Variants in RGN observed in about 807,000 individuals in gnomAD.
RGN encodes the protein epididymis secretory protein Li 41.
In RGN, 19 loss-of-function variants were observed where a neutral mutation model predicts 20.6. The observed-to-expected ratio is 0.92, with a 90% CI of 0.64 to 1.35. RGN has a LOEUF of 1.35. Among genes scored for constraint, RGN ranks in the 40% most tolerant of loss-of-function variants. RGN has a pLI of 0.00. For missense variants in RGN, 302 were observed against 232.7 expected (o/e 1.30, Z -1.94); for synonymous variants, 85 against 87.2 (o/e 0.97, Z 0.14).
chrX:47,082,406 G>T (rs782046269), intron 3 of RGN, among the ~76,000 whole-genome samples: 20 of 102,501 alleles, frequency 2.0e-4, no homozygotes, highest in African/African-American at 7.2e-4. Flanking sequence ...AATCTCCCAG[G>T]CTCAAGCGAT....
chrX:47,090,066 C>G, intron 5 of RGN, 75 bp downstream of exon 5: 2 of 705,211 alleles, frequency 2.8e-6, no homozygotes, highest in Non-Finnish European at 4.2e-6. Context: ...AGGCGCCTCT[C>G]CCTCGCCTCA....
chrX:47,079,430 T>G (rs1259833900), intron 1 of RGN, among the ~76,000 whole-genome samples: 4 of 107,825 alleles, frequency 3.7e-5, no homozygotes, highest in African/African-American at 1.0e-4. Context: ...TGTTTTTTTG[T>G]TTTTTTGGTT....
At position 47,080,951 on chromosome X, in the gene RGN, G is replaced by T. The variant is rs1930270079; in HGVS notation, c.-16+15G>T. 5.2e-6 allele frequency: 2 copies of T among 384,346 alleles called. No individual in the cohort carries two copies. Among genetic ancestry groups the T allele is most frequent in the Middle Eastern group, 9.8e-4 (2 of 2,035 alleles). 31.7% of individuals were successfully genotyped at this position (384,346 alleles called of 1,213,427 possible). ...ACACGTCACTGGTAAGTTGGTTGAA[G>T]ATGTTTCATGGTCCCTGTTATCAGC... On this transcript the variant is annotated intron_variant, in intron 2 of 7. Coordinates refer to ENST00000397180, the MANE Select transcript of RGN (RefSeq NM_152869.4).
At chrX:47,090,915 GGAAAGAAAGAAAGAAAGAAAGAAAGAAA>G (rs1167092040) in intron 5 of RGN, among the ~76,000 whole-genome samples, 9 of 51,888 alleles carry the variant, frequency 1.7e-4, no homozygotes, top group Middle Eastern at 8.5e-3. Flanking sequence ...GAAAGAAGAA[GGAAAGAAAGAAAGAAAGAAAGAAAGAAA>G]GAAAGAAAGA....
chrX:47,079,461 T>C (rs1384129758), intron 1 of RGN, among the ~76,000 whole-genome samples: 1 of 106,907 alleles, frequency 9.4e-6, no homozygotes, highest in Non-Finnish European at 1.9e-5. Context: ...GACGGAGTCT[T>C]ACTCTGTCGC....
intron 1 of RGN, among the ~76,000 whole-genome samples, chrX:47,079,356 G>A (rs1462369963): frequency 9.9e-5 from 5 of 50,611 alleles, no homozygotes; most frequent in African/African-American, 2.2e-4. Flanking sequence ...TTTTTTGTTT[G>A]TTTTTTTTTT....
intron 4 of RGN, among the ~76,000 whole-genome samples, chrX:47,085,722 A>G (rs782302795): frequency 4.0e-4 from 45 of 111,129 alleles, no homozygotes; most frequent in African/African-American, 1.4e-3. Context: ...AGCTCAAGTG[A>G]TCCTCACACC....
At chrX:47,084,828 A>G (rs1456189491) in intron 4 of RGN, 3 of 340,074 alleles carry the variant, frequency 8.8e-6, no homozygotes, top group African/African-American at 2.7e-5. Flanking sequence ...GGTGGCATGC[A>G]TCTGTGTTCC....
chrX:47,088,915 CAG>C (rs1395998828), intron 4 of RGN, among the ~76,000 whole-genome samples: 6 of 74,084 alleles, frequency 8.1e-5, no homozygotes, highest in Non-Finnish European at 1.5e-4. Flanking sequence ...GCCTGGGCAA[CAG>C]AGCAACACTC....
chrX:47,084,565 A>G lies in RGN; in HGVS notation c.311A>G (p.Asp104Gly). The change falls in exon 4 of 8, where the codon GAT becomes GGT. Residue 104 changes from aspartate to glycine, a missense_variant. Transcript: ENST00000397180. ...DNDKKNNRFN[D>G]GKVDPAGRYF... is the part of the protein sequence containing the mutation. ...GACAAGAAAAACAATCGCTTCAATGATGGGAAGGTGGATCCCGCCGGGAGG... is the reference window on the plus strand; with the variant it reads ...GACAAGAAAAACAATCGCTTCAATGGTGGGAAGGTGGATCCCGCCGGGAGG... 1 of 1,198,508 alleles carries G rather than the reference A, an allele frequency of 8.3e-7. No individual in the cohort carries two copies. Among genetic ancestry groups the G allele is most frequent in the Non-Finnish European group, 1.1e-6 (1 of 888,210 alleles).
At chrX:47,088,657 C>T (rs1371765662) in intron 4 of RGN, among the ~76,000 whole-genome samples, 6 of 109,753 alleles carry the variant, frequency 5.5e-5, no homozygotes, top group Admixed American at 1.0e-4. Context: ...TTTGGCCGGG[C>T]GCGGTGGCTC....
rs1374014063 is a variant in RGN, at chrX:47,092,052, G to A, written c.695-9G>A. The A allele has an allele frequency of 2.5e-6, 3 of 1,194,023 alleles. No individual in the cohort carries two copies. Among genetic ancestry groups the A allele is most frequent in the Middle Eastern group, 4.7e-4 (2 of 4,301 alleles). ...AACTAAACTTAAAATAAAATATTTG[G>A]TGGTCTAGGGAAAAGACTTCAAACT... On this transcript the variant is annotated splice_polypyrimidine_tract_variant and intron_variant, in intron 6 of 7. Coordinates refer to ENST00000397180, the MANE Select transcript of RGN (RefSeq NM_152869.4).
At chrX:47,082,118 A>AT (rs1930354613) in intron 3 of RGN, among the ~76,000 whole-genome samples, 1 of 111,312 alleles carries the variant, frequency 9.0e-6, no homozygotes, top group South Asian at 3.7e-4. Context: ...TTTGAGTGTG[A>AT]TGCGTTTATG....
In RGN at chrX:47,080,842, C is replaced by A; in HGVS notation, c.-110C>A. 1 of 234,946 alleles carries A rather than the reference C, an allele frequency of 4.3e-6. No homozygotes were observed. The highest frequency in any genetic ancestry group is 7.5e-6 in the Non-Finnish European group (1 of 132,743). 19.4% of individuals were successfully genotyped at this position (234,946 alleles called of 1,213,427 possible). A position where few individuals can be genotyped will look rare whatever the true frequency, so the allele number is the denominator to read the frequency against. On this transcript the variant is annotated 5_prime_UTR_variant, in exon 2 of 8. Coordinates refer to ENST00000397180, the MANE Select transcript of RGN (RefSeq NM_152869.4). Reference sequence around the variant, plus strand: ...GGACGGCCTTGCACTATTTCAACAGCCAGTTCTCTGAGGGTCACAAACACC... The same window carrying A: ...GGACGGCCTTGCACTATTTCAACAGACAGTTCTCTGAGGGTCACAAACACC...
chrX:47,093,238 C>T lies in RGN; in HGVS notation c.*291C>T. Reference sequence around the variant, plus strand: ...ATTGCCAGGGTGGGTGGGTACATATCTCTTCTTGATTCTGCATTTCATACT... The same window carrying T: ...ATTGCCAGGGTGGGTGGGTACATATTTCTTCTTGATTCTGCATTTCATACT... On this transcript the variant is annotated 3_prime_UTR_variant, in exon 8 of 8. Coordinates refer to ENST00000397180, the MANE Select transcript of RGN (RefSeq NM_152869.4). 3 of 292,841 alleles carry T rather than the reference C, an allele frequency of 1.0e-5. No homozygotes were observed. The South Asian group carries it at 2.8e-4, about 27-fold the overall frequency. The allele number at this position is 292,841 out of a possible 1,213,427, so 24.1% of individuals were successfully genotyped here.
At chrX:47,085,986 G>A (rs1171518553) in intron 4 of RGN, among the ~76,000 whole-genome samples, 6 of 112,420 alleles carry the variant, frequency 5.3e-5, no homozygotes, top group African/African-American at 1.9e-4. Flanking sequence ...TGTACAAAAA[G>A]TGTTCTTTCT....
chrX:47,091,349 C>T (rs1302027632), intron 5 of RGN, among the ~76,000 whole-genome samples: 1 of 111,951 alleles, frequency 8.9e-6, no homozygotes, highest in East Asian at 2.8e-4. Flanking sequence ...AAAGGTCTAA[C>T]CACAAGCTGA....
rs1556388505 is a variant in RGN, at chrX:47,092,948, G to A, written c.*1G>A. The A allele has an allele frequency of 1.7e-6, 2 of 1,197,046 alleles. No individual in the cohort carries two copies. The highest frequency in any genetic ancestry group is 4.4e-5 in the Admixed American group (2 of 45,651). On this transcript the variant is annotated 3_prime_UTR_variant, in exon 8 of 8. Transcript: ENST00000397180. ...TGCTCCCTACTCCTATGCGGGATGA[G>A]GACAGGTCTTCTTTCCTGCCAGAGG...
At chrX:47,087,194 T>A (rs189815266) in intron 4 of RGN, among the ~76,000 whole-genome samples, 1 of 111,868 alleles carries the variant, frequency 8.9e-6, no homozygotes, top group Admixed American at 9.6e-5. Context: ...TAGCCGAAGT[T>A]GATTCTCCAT....
Sources: allele counts gnomAD v4.1 joint callset (sites outside exome capture counted in the v4.1 genomes callset), GRCh38; gene constraint gnomAD v4.1.1; transcripts MANE v1.5; gene names NCBI Gene and HGNC (gene_info 2026-07-23, HGNC 2026-07-21).